RALYL: variants seen among roughly 807,000 people sequenced by gnomAD.
The protein encoded by RALYL is RNA-binding Raly-like protein.
Under a neutral mutation model 35.1 loss-of-function variants are expected in RALYL, and 29 were observed. That is an observed-to-expected ratio of 0.83 (90% CI 0.61 to 1.13). The LOEUF is 1.13. RALYL is among the 50% of genes most tolerant of loss of function. The pLI is 0.00. For synonymous variants in RALYL, 120 were observed against 127.6 expected (o/e 0.94, Z 0.40); for missense variants, 359 against 360.4 (o/e 1.00, Z 0.03).
intron 1 of RALYL, among the ~76,000 whole-genome samples, chr8:84,342,307 A>ATT (rs1849004455): frequency 1.5e-5 from 1 of 68,682 alleles, no homozygotes; most frequent in African/African-American, 9.4e-5. Flanking sequence ...AAACTCAAAA[A>ATT]GTGTGGTCCT....
At chr8:84,618,336 C>G (rs866829982) in intron 2 of RALYL, among the ~76,000 whole-genome samples, 1 of 151,602 alleles carries the variant, frequency 6.6e-6, no homozygotes, top group Admixed American at 6.6e-5. Context: ...GTGTATGTGT[C>G]GAGGAATTTA....
chr8:84,383,441 A>G (rs1176217817), intron 1 of RALYL, among the ~76,000 whole-genome samples: 1 of 151,748 alleles, frequency 6.6e-6, no homozygotes, highest in Non-Finnish European at 1.5e-5. Flanking sequence ...GAAAGGAAAG[A>G]TCATAAACTA....
intron 8 of RALYL, among the ~76,000 whole-genome samples, chr8:84,902,458 G>A (rs1231036287): frequency 6.6e-6 from 1 of 152,138 alleles, no homozygotes; most frequent in Admixed American, 6.5e-5. Flanking sequence ...TTCAACATGA[G>A]ATTTGGACGG....
At chr8:84,654,310 T>TATATATATATATATAC (rs1554766145) in intron 2 of RALYL, among the ~76,000 whole-genome samples, 21 of 134,726 alleles carry the variant, frequency 1.6e-4, no homozygotes, top group African/African-American at 5.5e-4. Context: ...TATATATATA[T>TATATATATATATATAC]ATATCATGTA....
intron 1 of RALYL, among the ~76,000 whole-genome samples, chr8:84,526,034 C>T (rs1449855802): frequency 1.3e-5 from 2 of 148,722 alleles, no homozygotes; most frequent in Non-Finnish European, 3.0e-5. Context: ...TCACTGCAAC[C>T]TCTGACTCCC....
intron 2 of RALYL, among the ~76,000 whole-genome samples, chr8:84,665,598 G>C (rs1045027114): frequency 6.6e-6 from 1 of 151,968 alleles, no homozygotes; most frequent in African/African-American, 2.4e-5. Flanking sequence ...GTGCATAGAG[G>C]TGTTTATAGT....
intron 2 of RALYL, among the ~76,000 whole-genome samples, chr8:84,713,872 TA>T (rs1842568182): frequency 6.6e-6 from 1 of 151,184 alleles, no homozygotes; most frequent in Non-Finnish European, 1.5e-5. Context: ...ATGATATATA[TA>T]TATCTCATAT....
chr8:84,411,521 T>C (rs968667503), intron 1 of RALYL, among the ~76,000 whole-genome samples: 1 of 151,932 alleles, frequency 6.6e-6, no homozygotes, highest in African/African-American at 2.4e-5. Context: ...TTTTGTTCTT[T>C]AGAAGAACAA....
chr8:84,841,016 T>C (rs956310153), intron 4 of RALYL, among the ~76,000 whole-genome samples: 12 of 151,848 alleles, frequency 7.9e-5, no homozygotes, highest in African/African-American at 2.7e-4. Context: ...CAAAAACATG[T>C]CAAATTGTAA....
At chr8:84,712,635 A>G (rs1272243395) in intron 2 of RALYL, among the ~76,000 whole-genome samples, 1 of 152,152 alleles carries the variant, frequency 6.6e-6, no homozygotes. Context: ...TTCTCTTCTA[A>G]GAATCTGTGC....
intron 2 of RALYL, among the ~76,000 whole-genome samples, chr8:84,676,768 T>A (rs955578392): frequency 2.0e-5 from 3 of 152,054 alleles, no homozygotes; most frequent in African/African-American, 4.8e-5. Flanking sequence ...TTCAAAATAT[T>A]TTTTATTGCT....
At chr8:84,481,442 A>G (rs2054029557) in intron 1 of RALYL, among the ~76,000 whole-genome samples, 1 of 151,946 alleles carries the variant, frequency 6.6e-6, no homozygotes, top group African/African-American at 2.4e-5. Context: ...TGATCCTAAT[A>G]ATTCAGCTTC....
chr8:84,820,774 A>G (rs560823562), intron 4 of RALYL, among the ~76,000 whole-genome samples: 154 of 152,044 alleles, frequency 1.0e-3, no homozygotes, highest in Non-Finnish European at 1.9e-3. Flanking sequence ...TCATTGGAAC[A>G]TGAGTTTTTT....
chr8:84,240,094 T>G (rs1827540129), intron 1 of RALYL, among the ~76,000 whole-genome samples: 1 of 152,152 alleles, frequency 6.6e-6, no homozygotes, highest in Non-Finnish European at 1.5e-5. Context: ...TAAATATTAT[T>G]TGTCACTGTT....
chr8:84,909,006 C>T (rs992263621), intron 8 of RALYL, among the ~76,000 whole-genome samples: 1 of 152,084 alleles, frequency 6.6e-6, no homozygotes, highest in Non-Finnish European at 1.5e-5. Flanking sequence ...ACAGCATTTC[C>T]ATGCCATGTA....
At chr8:84,693,031 G>A (rs118164033) in intron 2 of RALYL, among the ~76,000 whole-genome samples, 1 of 151,954 alleles carries the variant, frequency 6.6e-6, no homozygotes, top group Non-Finnish European at 1.5e-5. Context: ...TATTTTAAAT[G>A]TCTAACTTCC....
chr8:84,859,853 AAGAG>A (rs1472072836), intron 5 of RALYL, among the ~76,000 whole-genome samples: 1 of 152,062 alleles, frequency 6.6e-6, no homozygotes, highest in African/African-American at 2.4e-5. Flanking sequence ...TCAAAAAAAC[AAGAG>A]AGAGAGAAAG....
chr8:84,897,535 A>G (rs1844961816), intron 8 of RALYL, among the ~76,000 whole-genome samples: 1 of 152,094 alleles, frequency 6.6e-6, no homozygotes, highest in Non-Finnish European at 1.5e-5. Context: ...CTTTTTTTTA[A>G]TAAAGATAAC....
intron 4 of RALYL, among the ~76,000 whole-genome samples, chr8:84,845,203 T>C (rs1176042437): frequency 6.6e-6 from 1 of 152,208 alleles, no homozygotes; most frequent in Non-Finnish European, 1.5e-5. Context: ...TGAGAACTTT[T>C]ATTCCATGAA....
Sources: gnomAD v4.1 joint callset for allele counts (sites outside exome capture counted in the v4.1 genomes callset) on GRCh38, gnomAD v4.1.1 for gene constraint, MANE v1.5 for transcripts, NCBI Gene and HGNC (gene_info 2026-07-23, HGNC 2026-07-21) for gene names.